SELENOV: variants seen among roughly 807,000 people sequenced by gnomAD.
SELENOV encodes the protein selenoprotein V.
SELENOV carries 25 observed loss-of-function variants against 21.6 expected under a neutral mutation model. The observed-to-expected ratio is 1.16, with a 90% CI of 0.84 to 1.62. The LOEUF (loss-of-function observed/expected upper bound fraction) is 1.62, where lower values mean the gene tolerates loss of function less well. Among genes scored for constraint, SELENOV ranks in the 40% most tolerant of loss-of-function variants. The pLI is 0.00. For missense variants in SELENOV, 472 were observed against 459.0 expected, an observed-to-expected ratio of 1.03 and a Z score of -0.26; for synonymous variants, 227 against 216.9, an observed-to-expected ratio of 1.05 and a Z score of -0.41.
rs200699225 is a variant in SELENOV at position 39,518,602 on chromosome 19, C to G, written c.810-6C>G. The G allele has an allele frequency of 1.1e-5, 17 of 1,599,916 alleles. No homozygotes were observed. Among genetic ancestry groups the G allele is most frequent in the Non-Finnish European group, 8.5e-7 (1 of 1,172,424 alleles). On this transcript the variant is annotated splice_region_variant and splice_polypyrimidine_tract_variant and intron_variant, in intron 1 of 5. Transcript: ENST00000335426. ...TTAACTTTCTCCTCCTGCTCTTGGC[C>G]TCCAGTGGCCTCTGAAGCTATAGCC...
chr19:39,518,970 C>G (rs749751642), exon 4 of SELENOV: 11 of 1,613,586 alleles, frequency 6.8e-6, no homozygotes, highest in South Asian at 3.3e-5. Context: ...CTGGTCCATT[C>G]CAAGAAGGTG....
chr19:39,515,719 T>A lies in SELENOV; in HGVS notation c.507T>A (p.Pro169=). The stretch of plus-strand genomic sequence containing the variant: ...TGCCTTTGTTGCCCGAGGAGGACCC[T>A]GAGCCGGCGCCGAGCCTGAAGCTCA... Residue 169 remains proline (P), a synonymous_variant, in exon 1 of 6, where the codon CCT becomes CCA. Transcript: ENST00000335426. The surrounding 1 kb of genome is among the most constrained non-coding windows in gnomAD (Gnocchi z 5.1). 2 of 1,549,578 alleles carry A rather than the reference T, an allele frequency of 1.3e-6. No individual in the cohort carries two copies. The highest frequency in any genetic ancestry group is 1.7e-6 in the Non-Finnish European group (2 of 1,146,718).
exon 5 of SELENOV, chr19:39,519,123 T>G (rs1489891769): frequency 6.2e-7 from 1 of 1,613,694 alleles, no homozygotes; most frequent in East Asian, 2.2e-5. Context: ...GTGAGCGTTA[T>G]CGATGAGGAA....
chr19:39,515,993 A>G lies in SELENOV; in HGVS notation c.781A>G (p.Lys261Glu). 6.2e-7 allele frequency: 1 copy of G among 1,600,564 alleles called. No homozygotes were observed. The highest frequency in any genetic ancestry group is 2.3e-5 in the East Asian group (1 of 44,364). ...CTCCAGCGAGAACTTCGCGCTGGAC[A>G]AGAGGGTCCTGATTCGAGTGACCTA... Residue 261 changes from lysine to glutamate, a missense_variant, in exon 1 of 6, where the codon AAG (lysine) becomes GAG (glutamate). Physicochemically the swap from Lys to Glu is moderately conservative, Grantham distance 56 (BLOSUM62 1). Coordinates refer to ENST00000335426, the Ensembl canonical transcript of SELENOV. This position sits in a 1 kb window ranked among gnomAD's most constrained non-coding sequence, Gnocchi z 5.1.
chr19:39,515,968 C>A lies in SELENOV; in HGVS notation c.756C>A (p.Ser252=), dbSNP rs767808818. 31 of 1,607,744 alleles carry A rather than the reference C, an allele frequency of 1.9e-5. No homozygotes were observed. In the East Asian group the frequency reaches 6.9e-4, roughly 36 times the overall value. ...AGAATTGTACGGAAACCTTCCCCTC[C>A]TCCAGCGAGAACTTCGCGCTGGACA... The change falls in exon 1 of 6, where the codon TCC becomes TCA. Residue 252 remains serine, a synonymous_variant. Transcript: ENST00000335426. The surrounding 1 kb of genome is among the most constrained non-coding windows in gnomAD (Gnocchi z 5.1).
chr19:39,519,081 G>T (rs2079715311), exon 5 of SELENOV: 1 of 1,613,878 alleles, frequency 6.2e-7, no homozygotes, highest in Admixed American at 1.7e-5. Flanking sequence ...AGGGGTGATG[G>T]CTTTGTGAAC....
chr19:39,517,905 C>T (rs1247982012), intron 1 of SELENOV, among the ~76,000 whole-genome samples: 2 of 136,620 alleles, frequency 1.5e-5, no homozygotes, highest in Non-Finnish European at 3.0e-5. Context: ...TGGAAGGTTG[C>T]AGTGAGCCGA....
In SELENOV at chr19:39,519,761, C is replaced by T. The variant is rs374256614; in HGVS notation, c.*23-385C>T. Among the ~76,000 whole-genome samples the T allele has an allele frequency of 6.9e-4, 105 of 151,554 alleles. 1 individual carries two copies. In the South Asian group the frequency reaches 0.021, roughly 30 times the overall value. The stretch of plus-strand genomic sequence containing the variant: ...CGGGCGGGTCACGAGGTCAGGAGAT[C>T]GAGACCATCCTGGCTAACACGGTGA... On this transcript the variant is annotated intron_variant, in intron 5 of 5. Coordinates refer to ENST00000335426, the Ensembl canonical transcript of SELENOV.
At position 39,515,694 on chromosome 19, in the gene SELENOV, T is replaced by G. The variant is rs1316323781; in HGVS notation, c.482T>G (p.Leu161Arg). 1 of 1,549,190 alleles carries G rather than the reference T, an allele frequency of 6.5e-7. No homozygotes were observed. Among genetic ancestry groups the G allele is most frequent in the Non-Finnish European group, 8.7e-7 (1 of 1,146,772 alleles). The change falls in exon 1 of 6, where the codon CTG (leucine) becomes CGG (arginine). Residue 161 changes from leucine to arginine, a missense_variant. Coordinates refer to ENST00000335426, the Ensembl canonical transcript of SELENOV. The surrounding 1 kb of genome is among the most constrained non-coding windows in gnomAD (Gnocchi z 5.1). The stretch of plus-strand genomic sequence containing the variant: ...CCGCCCCCGGAACCTGCTCCGGAGC[T>G]GCCTTTGTTGCCCGAGGAGGACCCT...
intron 4 of SELENOV, 23 bp from the exon 5 acceptor site, chr19:39,519,048 T>C (rs1313198058): frequency 6.2e-7 from 1 of 1,613,556 alleles, no homozygotes; most frequent in Non-Finnish European, 8.5e-7. Flanking sequence ...GAGACCTGTG[T>C]GCTTTCTTCC....
In SELENOV at chr19:39,515,541, C is replaced by A. The variant is rs1285384840; in HGVS notation, c.329C>A (p.Pro110Gln). ...CCCGTCCGGAACCCAACTCCGGTCC[C>A]GACTCCGGCTCGGACCCTGACTCCT... The change falls in exon 1 of 6, where the codon CCG (proline) becomes CAG (glutamine). Residue 110 changes from proline (P) to glutamine (Q), a missense_variant. By Grantham distance (76) the Pro-to-Gln change is moderately conservative. Transcript: ENST00000335426. This position sits in a 1 kb window ranked among gnomAD's most constrained non-coding sequence, Gnocchi z 5.1. 1 of 1,550,470 alleles carries A rather than the reference C, an allele frequency of 6.4e-7. No individual in the cohort carries two copies.
At position 39,515,369 on chromosome 19, in the gene SELENOV, T is replaced by G. The variant is rs868763877; in HGVS notation, c.157T>G (p.Ser53Ala). ...GACCCTGACTCCAGTCCTGACTCCG[T>G]CTCCAGCCGGGACTTCCCCTCTGGT... The change falls in exon 1 of 6, where the codon TCT becomes GCT. Residue 53 changes from serine (S) to alanine (A), a missense_variant. Coordinates refer to ENST00000335426, the Ensembl canonical transcript of SELENOV. This position sits in a 1 kb window ranked among gnomAD's most constrained non-coding sequence, Gnocchi z 5.1. 6.4e-7 allele frequency: 1 copy of G among 1,551,004 alleles called. No homozygotes were observed. The highest frequency in any genetic ancestry group is 8.7e-7 in the Non-Finnish European group (1 of 1,146,796).
rs1035416404 is a variant in SELENOV, at chr19:39,515,867, G to C, written c.655G>C (p.Gly219Arg). 5 of 1,556,528 alleles carry C rather than the reference G, an allele frequency of 3.2e-6. No individual in the cohort carries two copies. In the East Asian group the frequency reaches 1.2e-4, roughly 38 times the overall value. ...CTTCAGGGCAGACCCGTCGGCCATC[G>C]GGCTGGCGGATCCCCCCATTCCCAG... The change falls in exon 1 of 6, where the codon GGG becomes CGG. Residue 219 changes from glycine (G) to arginine (R), a missense_variant. Physicochemically the swap from Gly to Arg is moderately radical, Grantham distance 125. Coordinates refer to ENST00000335426, the Ensembl canonical transcript of SELENOV. This position sits in a 1 kb window ranked among gnomAD's most constrained non-coding sequence, Gnocchi z 5.1.
Position 39,515,177 on chromosome 19 carries a change from C to G in SELENOV, c.-36C>G. ...GCCCAAAGAGGGAAGGCGGGCGGGA[C>G]TCCCCAACCGGCTTGCCCCGGTCCC... On this transcript the variant is annotated 5_prime_UTR_variant, in exon 1 of 6. Transcript: ENST00000335426. This position sits in a 1 kb window ranked among gnomAD's most constrained non-coding sequence, Gnocchi z 5.1. 3 of 1,319,290 alleles carry G rather than the reference C, an allele frequency of 2.3e-6. No individual in the cohort carries two copies. Among genetic ancestry groups the G allele is most frequent in the Non-Finnish European group, 3.2e-6 (3 of 949,094 alleles). 81.7% of individuals were successfully genotyped at this position (1,319,290 alleles called of 1,614,324 possible). A position where few individuals can be genotyped will look rare whatever the true frequency, so the allele number is the denominator to read the frequency against.
At chr19:39,518,273 A>C (rs916343477) in intron 1 of SELENOV, among the ~76,000 whole-genome samples, 3 of 127,040 alleles carry the variant, frequency 2.4e-5, no homozygotes, top group Non-Finnish European at 4.9e-5. Flanking sequence ...TCCGTCTCAA[A>C]AAAACAAAAA....
In SELENOV at chr19:39,517,583, G is replaced by A. The variant is rs368015840; in HGVS notation, c.810-1025G>A. 5.3e-4 allele frequency among the ~76,000 whole-genome samples: 80 copies of A among 152,276 alleles called. 1 individual carries two copies. In the South Asian group the frequency reaches 0.016, roughly 31 times the overall value. ...TGAGCGAAGCCCTGAAGGAAGGAGA[G>A]AAGGAGTTGTGTGGATGCTGTGGGG... On this transcript the variant is annotated intron_variant, in intron 1 of 5. Coordinates refer to ENST00000335426, the Ensembl canonical transcript of SELENOV.
At chr19:39,518,825 G>T (rs200755550) in intron 3 of SELENOV, 32 bp downstream of exon 3, 1 of 1,613,014 alleles carries the variant, frequency 6.2e-7, no homozygotes, top group East Asian at 2.2e-5. Context: ...GGGAGAGGGG[G>T]GTGGTCAGGG....
Position 39,515,286 on chromosome 19 carries a change from C to CCCGGACACCGACTCCACT in SELENOV, c.81_98dup (p.Leu31_Pro36dup). 1.3e-6 allele frequency: 2 copies of CCCGGACACCGACTCCACT among 1,551,214 alleles called. No individual in the cohort carries two copies. The highest frequency in any genetic ancestry group is 1.7e-6 in the Non-Finnish European group (2 of 1,146,912). On this transcript the variant is annotated inframe_insertion, in exon 1 of 6. Transcript: ENST00000335426. This position sits in a 1 kb window ranked among gnomAD's most constrained non-coding sequence, Gnocchi z 5.1. ...ACCTCAGTCCGGGCTTCTACCCCGA[C>CCCGGACACCGACTCCACT]CCGGACACCGACTCCACTCCGGACC... is the stretch of plus-strand genomic sequence containing the variant.
At chr19:39,517,991 A>T (rs66888920) in intron 1 of SELENOV, among the ~76,000 whole-genome samples, 1 of 92,090 alleles carries the variant, frequency 1.1e-5, no homozygotes, top group Non-Finnish European at 2.2e-5. Context: ...AAAAAAAAAA[A>T]GCCCAGCGCG....
Sources: allele counts gnomAD v4.1 joint callset (sites outside exome capture counted in the v4.1 genomes callset), GRCh38; gene constraint gnomAD v4.1.1; non-coding constraint Gnocchi (gnomAD v3.1); transcripts MANE v1.5; gene names NCBI Gene and HGNC (gene_info 2026-07-23, HGNC 2026-07-21).